The following SLC2A13 variants were observed in gnomAD, a reference collection of about 807,000 sequenced individuals.
SLC2A13 encodes proton myo-inositol cotransporter.
In SLC2A13, 32 loss-of-function variants were observed where a neutral mutation model predicts 64.4. The ratio of observed to expected loss-of-function variants is 0.50; its 90% CI spans 0.37 to 0.67. The LOEUF (loss-of-function observed/expected upper bound fraction) is 0.67, where lower values mean the gene tolerates loss of function less well. Ranked by LOEUF, SLC2A13 falls within the 30% of genes least tolerant of loss-of-function variation. The pLI is 0.00. For synonymous variants in SLC2A13, 338 were observed against 327.1 expected (o/e 1.03, Z -0.36); for missense variants, 743 against 829.2 (o/e 0.90, Z 1.28).
chr12:40,083,348 T>C (rs1256272650), intron 1 of SLC2A13, among the ~76,000 whole-genome samples: 1 of 152,192 alleles, frequency 6.6e-6, no homozygotes, highest in Non-Finnish European at 1.5e-5. Flanking sequence ...GATTTTCTCT[T>C]AGAACTTAAT....
intron 4 of SLC2A13, among the ~76,000 whole-genome samples, chr12:39,913,789 C>T (rs1344266558): frequency 6.6e-6 from 1 of 151,796 alleles, no homozygotes; most frequent in Non-Finnish European, 1.5e-5. Flanking sequence ...AATTGTAATA[C>T]ATCTTTTAGA....
At chr12:39,888,105 T>G (rs992971374) in intron 4 of SLC2A13, among the ~76,000 whole-genome samples, 2 of 152,254 alleles carry the variant, frequency 1.3e-5, no homozygotes, top group Non-Finnish European at 2.9e-5. Context: ...ATCCATGTGC[T>G]TCTGGAGAAG....
At chr12:39,994,496 A>C (rs1355250334) in intron 3 of SLC2A13, among the ~76,000 whole-genome samples, 1 of 152,150 alleles carries the variant, frequency 6.6e-6, no homozygotes, top group East Asian at 1.9e-4. Flanking sequence ...GGAAAAAAAA[A>C]CATACCCATA....
intron 1 of SLC2A13, among the ~76,000 whole-genome samples, chr12:40,053,224 G>C (rs1948287199): frequency 6.9e-6 from 1 of 145,902 alleles, no homozygotes; most frequent in Non-Finnish European, 1.5e-5. Flanking sequence ...GGAGGTTGCA[G>C]TGAGCCAAGA....
chr12:39,822,987 G>A (rs1043885691), intron 7 of SLC2A13, among the ~76,000 whole-genome samples: 10 of 152,062 alleles, frequency 6.6e-5, no homozygotes, highest in South Asian at 2.1e-4. Context: ...AATAGTATCC[G>A]AGTCTGCAAT....
intron 4 of SLC2A13, among the ~76,000 whole-genome samples, chr12:39,927,087 A>T (rs539268503): frequency 6.6e-6 from 1 of 152,288 alleles, no homozygotes; most frequent in South Asian, 2.1e-4. Context: ...TATAAATGGA[A>T]CAGTAATACA....
chr12:39,963,950 C>T (rs577091843), intron 3 of SLC2A13, among the ~76,000 whole-genome samples: 1 of 152,140 alleles, frequency 6.6e-6, no homozygotes, highest in Admixed American at 6.5e-5. Flanking sequence ...ATTCAATGGC[C>T]CATGATCTTA....
At chr12:39,890,921 T>C (rs1016097254) in intron 4 of SLC2A13, among the ~76,000 whole-genome samples, 1 of 152,166 alleles carries the variant, frequency 6.6e-6, no homozygotes, top group Admixed American at 6.5e-5. Flanking sequence ...TACATAATTT[T>C]AATTCTGTTA....
In SLC2A13 at chr12:39,792,306, C is replaced by T. The variant is rs982244374; in HGVS notation, c.1446-27448G>A. ...AACCTAGGCATTACCATTCAGGACA[C>T]AGGCGTGGGCAAGGACTTCATGTCC... On this transcript the variant is annotated intron_variant, in intron 7 of 9. Transcript: ENST00000280871. Among the ~76,000 whole-genome samples, 3 of 149,596 alleles carry T rather than the reference C, an allele frequency of 2.0e-5. 1 individual carries two copies. The highest frequency in any genetic ancestry group is 4.4e-4 in the South Asian group (2 of 4,590).
At chr12:39,915,024 A>G (rs956053155) in intron 4 of SLC2A13, among the ~76,000 whole-genome samples, 5 of 151,998 alleles carry the variant, frequency 3.3e-5, no homozygotes, top group Non-Finnish European at 7.4e-5. Context: ...ATTTATAAAT[A>G]TAATACATAA....
At chr12:39,842,036 A>G (rs1034959409) in intron 6 of SLC2A13, among the ~76,000 whole-genome samples, 1 of 152,024 alleles carries the variant, frequency 6.6e-6, no homozygotes, top group Non-Finnish European at 1.5e-5. Context: ...TTCCCTTTTT[A>G]CAGAAAAACC....
At chr12:39,797,012 G>GT (rs1198223137) in intron 7 of SLC2A13, among the ~76,000 whole-genome samples, 1 of 152,100 alleles carries the variant, frequency 6.6e-6, no homozygotes, top group Non-Finnish European at 1.5e-5. Flanking sequence ...GTAAAAGAGT[G>GT]TTTTTTGGTT....
At chr12:39,837,185 A>C (rs1346209017) in intron 6 of SLC2A13, among the ~76,000 whole-genome samples, 1 of 148,174 alleles carries the variant, frequency 6.7e-6, no homozygotes, top group South Asian at 2.2e-4. Context: ...AAATAATGCC[A>C]CATACCTACA....
At chr12:39,933,585 G>A (rs957075341) in intron 4 of SLC2A13, among the ~76,000 whole-genome samples, 4 of 152,170 alleles carry the variant, frequency 2.6e-5, no homozygotes, top group African/African-American at 9.7e-5. Context: ...CTTAACAGTA[G>A]TAGTACATCT....
At chr12:39,897,608 G>C (rs77018787) in intron 4 of SLC2A13, among the ~76,000 whole-genome samples, 1,769 of 152,226 alleles carry the variant, frequency 0.012, 29 homozygotes, top group African/African-American at 0.039. Flanking sequence ...ACCACATGCA[G>C]CTCTTGAGCA....
chr12:40,045,432 T>C (rs1184311670), intron 2 of SLC2A13, among the ~76,000 whole-genome samples: 3 of 151,512 alleles, frequency 2.0e-5, no homozygotes, highest in Non-Finnish European at 4.4e-5. Flanking sequence ...TTGTTGACAA[T>C]TACAGAGTCT....
intron 2 of SLC2A13, among the ~76,000 whole-genome samples, chr12:40,038,509 C>T (rs1948026381): frequency 6.6e-6 from 1 of 152,016 alleles, no homozygotes; most frequent in South Asian, 2.1e-4. Flanking sequence ...GTGGGTGGAT[C>T]ACTTGAGCCC....
intron 7 of SLC2A13, among the ~76,000 whole-genome samples, chr12:39,828,148 C>T (rs963467491): frequency 1.3e-5 from 2 of 152,144 alleles, no homozygotes; most frequent in South Asian, 4.1e-4. Context: ...ATGGTGAACA[C>T]ATCCTGCCTT....
intron 4 of SLC2A13, among the ~76,000 whole-genome samples, chr12:39,896,869 A>G (rs189536896): frequency 1.1e-4 from 17 of 152,266 alleles, no homozygotes; most frequent in African/African-American, 3.6e-4. Flanking sequence ...GAATCAAGTT[A>G]CATGTATAGT....
Sources: allele counts gnomAD v4.1 joint callset (sites outside exome capture counted in the v4.1 genomes callset), GRCh38; gene constraint gnomAD v4.1.1; transcripts MANE v1.5; gene names NCBI Gene and HGNC (gene_info 2026-07-23, HGNC 2026-07-21).